ADAMTSL1: variants seen among roughly 807,000 people sequenced by gnomAD.
ADAMTSL1 encodes ADAMTS-like protein 1.
Under a neutral mutation model 201.8 loss-of-function variants are expected in ADAMTSL1, and 126 were observed. The observed-to-expected ratio is 0.62, with a 90% CI of 0.54 to 0.72. ADAMTSL1 has a LOEUF of 0.72. ADAMTSL1 is among the 30% of genes least tolerant of loss of function. The pLI, the probability that ADAMTSL1 is intolerant of heterozygous loss-of-function variation, is 0.00. For missense variants in ADAMTSL1, 2,679 were observed against 2,277.8 expected (o/e 1.18, Z -3.59); for synonymous variants, 1,121 against 903.4 (o/e 1.24, Z -4.32).
chr9:17,919,842 G>C (rs1028659618), intron 1 of ADAMTSL1, among the ~76,000 whole-genome samples: 1 of 152,094 alleles, frequency 6.6e-6, no homozygotes, highest in African/African-American at 2.4e-5. Flanking sequence ...ATACCTAGGA[G>C]TGTAATTGCT....
At chr9:18,457,227 A>G (rs1454519939) in intron 2 of ADAMTSL1, among the ~76,000 whole-genome samples, 1 of 152,230 alleles carries the variant, frequency 6.6e-6, no homozygotes, top group Non-Finnish European at 1.5e-5. Flanking sequence ...AACTATTTTG[A>G]TAAATGGTTT....
chr9:18,101,243 A>G (rs960059882), intron 1 of ADAMTSL1, among the ~76,000 whole-genome samples: 2 of 152,176 alleles, frequency 1.3e-5, no homozygotes, highest in African/African-American at 4.8e-5. Context: ...CACGTCTATA[A>G]TCTTAGCACT....
intron 16 of ADAMTSL1, among the ~76,000 whole-genome samples, chr9:18,755,407 G>A (rs764527765): frequency 1.4e-4 from 22 of 152,196 alleles, no homozygotes; most frequent in Non-Finnish European, 2.9e-4. Context: ...ACTGAATGAT[G>A]AAATGAATGA....
At position 18,841,497 on chromosome 9, in the gene ADAMTSL1, T is replaced by C. The variant is rs1401507697; in HGVS notation, c.4249+11520T>C. Among the ~76,000 whole-genome samples, 13 of 152,298 alleles carry C rather than the reference T, an allele frequency of 8.5e-5. No individual in the cohort carries two copies. In the East Asian group the frequency reaches 2.3e-3, roughly 27 times the overall value. On this transcript the variant is annotated intron_variant, in intron 23 of 28. Transcript: ENST00000380548. ...CATCAAGGATATTGGTCTAAAATTC[T>C]CTCTTTTGGTTGTGTCTCTGCCCGG...
chr9:18,534,355 C>A (rs770767381), intron 3 of ADAMTSL1, among the ~76,000 whole-genome samples: 3 of 151,928 alleles, frequency 2.0e-5, no homozygotes, highest in Non-Finnish European at 4.4e-5. Flanking sequence ...ATAGCAAAAC[C>A]CTGTCTCTTA....
intron 2 of ADAMTSL1, among the ~76,000 whole-genome samples, chr9:18,262,313 C>G (rs192174643): frequency 4.1e-4 from 62 of 152,232 alleles, no homozygotes; most frequent in Admixed American, 1.6e-3. Context: ...GATGCAGTGC[C>G]CACAGCTTCA....
At chr9:18,287,812 G>A (rs980459308) in intron 2 of ADAMTSL1, among the ~76,000 whole-genome samples, 12 of 145,736 alleles carry the variant, frequency 8.2e-5, no homozygotes, top group Admixed American at 2.1e-4. Flanking sequence ...CAGAACCATA[G>A]TGGAACACTA....
In ADAMTSL1 at chr9:18,095,633, A is replaced by G. The variant is rs1230839906; in HGVS notation, c.88-68229A>G. Among the ~76,000 whole-genome samples, 9 of 152,168 alleles carry G rather than the reference A, an allele frequency of 5.9e-5. No homozygotes were observed. In the South Asian group the frequency reaches 1.9e-3, roughly 32 times the overall value. On this transcript the variant is annotated intron_variant, in intron 1 of 29. Transcript: ENST00000680146. Reference sequence around the variant, plus strand: ...GAGATGGGGTTTCGCCATGTTGGCCAGGCTGGTCTCAAACTCCTTACCTCA... The same window carrying G: ...GAGATGGGGTTTCGCCATGTTGGCCGGGCTGGTCTCAAACTCCTTACCTCA...
At chr9:18,783,102 C>T (rs189887177) in intron 19 of ADAMTSL1, among the ~76,000 whole-genome samples, 15 of 152,278 alleles carry the variant, frequency 9.9e-5, no homozygotes, top group East Asian at 3.9e-4. Context: ...AAGTCGGGGG[C>T]TAGTAAGGGG....
chr9:18,437,961 C>A (rs980800561), intron 2 of ADAMTSL1, among the ~76,000 whole-genome samples: 1 of 152,138 alleles, frequency 6.6e-6, no homozygotes, highest in Non-Finnish European at 1.5e-5. Flanking sequence ...CACTTATACA[C>A]CCCTGTCTGC....
chr9:18,672,342 G>T (rs1241854701), intron 9 of ADAMTSL1, among the ~76,000 whole-genome samples: 1 of 151,948 alleles, frequency 6.6e-6, no homozygotes, highest in Admixed American at 6.6e-5. Flanking sequence ...TTCTTTCTTA[G>T]ATTTGAATTT....
In ADAMTSL1 at chr9:18,795,569, G is replaced by A; in HGVS notation, c.3805+45G>A. 5 of 1,554,324 alleles carry A rather than the reference G, an allele frequency of 3.2e-6. 1 individual carries two copies. The highest frequency in any genetic ancestry group is 4.4e-6 in the Non-Finnish European group (5 of 1,146,796). ...TCTGTTCATTTCATAAACCTTTATT[G>A]AATGAGTGCCTATAGTGTGTCAAAC... is the stretch of plus-strand genomic sequence containing the variant. On this transcript the variant is annotated intron_variant, in intron 20 of 28. Transcript: ENST00000380548.
intron 2 of ADAMTSL1, among the ~76,000 whole-genome samples, chr9:18,339,478 C>T (rs1331926029): frequency 6.6e-6 from 1 of 152,048 alleles, no homozygotes; most frequent in African/African-American, 2.4e-5. Context: ...GGTTGTGGAA[C>T]AAAGGGAACG....
At chr9:18,024,487 G>C (rs901253879) in intron 1 of ADAMTSL1, among the ~76,000 whole-genome samples, 4 of 151,856 alleles carry the variant, frequency 2.6e-5, no homozygotes, top group Admixed American at 2.0e-4. Flanking sequence ...TCAATGTTTA[G>C]TTCCTACTTG....
intron 2 of ADAMTSL1, among the ~76,000 whole-genome samples, chr9:18,186,528 G>A (rs1828741901): frequency 6.6e-6 from 1 of 152,038 alleles, no homozygotes; most frequent in African/African-American, 2.4e-5. Flanking sequence ...TGTAGAATGG[G>A]TATGTAATGC....
intron 5 of ADAMTSL1, among the ~76,000 whole-genome samples, chr9:18,627,296 T>C (rs1302568945): frequency 1.3e-5 from 2 of 152,228 alleles, no homozygotes; most frequent in African/African-American, 2.4e-5. Flanking sequence ...TTTTAAATTT[T>C]AGCCATTCTT....
intron 2 of ADAMTSL1, among the ~76,000 whole-genome samples, chr9:18,285,199 C>T (rs1034152483): frequency 6.6e-6 from 1 of 152,134 alleles, no homozygotes; most frequent in Non-Finnish European, 1.5e-5. Context: ...TTCCTTTGTA[C>T]TACATATTTT....
intron 1 of ADAMTSL1, among the ~76,000 whole-genome samples, chr9:18,070,820 A>G (rs906950656): frequency 5.9e-5 from 9 of 152,132 alleles, no homozygotes; most frequent in South Asian, 4.1e-4. Context: ...GCTGAACAGC[A>G]TAGAAGGACT....
intron 23 of ADAMTSL1, among the ~76,000 whole-genome samples, chr9:18,862,125 G>C (rs972021724): frequency 5.3e-5 from 8 of 152,258 alleles, no homozygotes; most frequent in African/African-American, 1.9e-4. Flanking sequence ...CCCGGGATAC[G>C]TGCTAGGAAT....
Sources: allele counts gnomAD v4.1 joint callset (sites outside exome capture counted in the v4.1 genomes callset), GRCh38; gene constraint gnomAD v4.1.1; transcripts MANE v1.5; gene names NCBI Gene and HGNC (gene_info 2026-07-23, HGNC 2026-07-21).